Variants in DSCAM observed in about 807,000 individuals in gnomAD.
DSCAM encodes DS cell adhesion molecule, also known as cell adhesion molecule DSCAM.
DSCAM carries 47 observed loss-of-function variants against 217.7 expected under a neutral mutation model. That is an observed-to-expected ratio of 0.22 (90% CI 0.17 to 0.28). The LOEUF (loss-of-function observed/expected upper bound fraction) is 0.28, where lower values mean the gene tolerates loss of function less well. Ranked by LOEUF, DSCAM falls within the 10% of genes least tolerant of loss-of-function variation. The probability of loss-of-function intolerance (pLI) is 1.00; values close to 1 mark genes in which losing one functional copy is unlikely to be tolerated. For missense variants in DSCAM, 2,080 were observed against 2,618.3 expected, an observed-to-expected ratio of 0.79 and a Z score of 4.49; for synonymous variants, 1,056 against 1,015.3, an observed-to-expected ratio of 1.04 and a Z score of -0.76.
Position 40,347,684 on chromosome 21 carries a change from T to C in DSCAM, c.1196A>G (p.Gln399Arg). The C allele has an allele frequency of 1.2e-6, 2 of 1,613,938 alleles. No individual in the cohort carries two copies. The highest frequency in any genetic ancestry group is 1.7e-6 in the Non-Finnish European group (2 of 1,179,966). ...KDKLSAQDYVQVVLEDGTPKI... is the reference protein window; with the variant it reads ...KDKLSAQDYVRVVLEDGTPKI... ...GGCCCACTGACCTTCAAGGACCACC[T>C]GCACATAGTCTTGAGCGGACAGCTT... The change falls in exon 6 of 33, where the codon CAG becomes CGG. Residue 399 changes from glutamine (Q) to arginine (R), a missense_variant. By Grantham distance (43) the Gln-to-Arg change is conservative (BLOSUM62 1). Coordinates refer to ENST00000400454, the MANE Select transcript of DSCAM (RefSeq NM_001389.5).
intron 32 of DSCAM, among the ~76,000 whole-genome samples, chr21:40,041,766 C>CCAAA (rs1297659774): frequency 6.6e-6 from 1 of 152,106 alleles, no homozygotes; most frequent in African/African-American, 2.4e-5. Context: ...AGGCCAAGTC[C>CCAAA]CAAACACTGA....
At chr21:40,289,695 T>A (rs925643152) in intron 10 of DSCAM, among the ~76,000 whole-genome samples, 1 of 152,322 alleles carries the variant, frequency 6.6e-6, no homozygotes, top group South Asian at 2.1e-4. Context: ...TTAAACTTTA[T>A]CAGGGGTATG....
chr21:40,820,771 G>A (rs1435804444), intron 1 of DSCAM, among the ~76,000 whole-genome samples: 1 of 152,054 alleles, frequency 6.6e-6, no homozygotes, highest in Non-Finnish European at 1.5e-5. Flanking sequence ...GTGTGGCCCT[G>A]AGCCTAACTC....
chr21:40,747,731 A>G (rs1025471113), intron 1 of DSCAM, among the ~76,000 whole-genome samples: 3 of 150,244 alleles, frequency 2.0e-5, no homozygotes, highest in Admixed American at 2.0e-4. Flanking sequence ...GGCCAGCATT[A>G]CCCTGATCCA....
chr21:40,304,160 GTTT>G (rs1411732806), intron 9 of DSCAM, among the ~76,000 whole-genome samples: 1 of 152,192 alleles, frequency 6.6e-6, no homozygotes. Context: ...TTGGGGTGTT[GTTT>G]TTGTTTTCTT....
Position 40,133,998 on chromosome 21 carries a change from T to A in DSCAM, c.3418A>T (p.Ile1140Phe). ...GGCTGTGTGGTGGTGATGTTTTTAA[T>A]CTCACCCAGCTCTGGAGGACAAGAA... ...ANLMDGELGE[I>F]KNITTTQPSL... The change falls in exon 19 of 33, where the codon ATT becomes TTT. Residue 1140 changes from isoleucine to phenylalanine, a missense_variant. Ile to Phe is a conservative substitution (Grantham distance 21). This residue lies in a region of DSCAM where 1,144 missense variants were observed against 1,421.1 expected (regional missense o/e 0.81). Coordinates refer to ENST00000400454, the MANE Select transcript of DSCAM (RefSeq NM_001389.5). The A allele has an allele frequency of 6.2e-7, 1 of 1,609,266 alleles. No homozygotes were observed. Among genetic ancestry groups the A allele is most frequent in the East Asian group, 2.2e-5 (1 of 44,622 alleles).
intron 3 of DSCAM, among the ~76,000 whole-genome samples, chr21:40,572,472 C>G (rs2076815891): frequency 6.6e-6 from 1 of 151,932 alleles, no homozygotes; most frequent in Non-Finnish European, 1.5e-5. Flanking sequence ...CACTTACATA[C>G]TAATTAAAAA....
chr21:40,589,525 G>A (rs192201532), intron 3 of DSCAM, among the ~76,000 whole-genome samples: 6 of 151,482 alleles, frequency 4.0e-5, no homozygotes, highest in African/African-American at 9.7e-5. Flanking sequence ...GCAGTGAGCC[G>A]AGATCACACC....
At chr21:40,457,483 G>C (rs556675872) in intron 3 of DSCAM, among the ~76,000 whole-genome samples, 5 of 152,124 alleles carry the variant, frequency 3.3e-5, no homozygotes, top group Admixed American at 2.0e-4. Context: ...CGGCACCCCA[G>C]CCTGGGGGAC....
At chr21:40,555,383 G>C (rs1424436144) in intron 3 of DSCAM, among the ~76,000 whole-genome samples, 1 of 152,146 alleles carries the variant, frequency 6.6e-6, no homozygotes, top group Admixed American at 6.5e-5. Context: ...CTCATTACCA[G>C]AACCCAATGA....
At chr21:40,641,906 G>C (rs1285737903) in intron 3 of DSCAM, among the ~76,000 whole-genome samples, 1 of 152,026 alleles carries the variant, frequency 6.6e-6, no homozygotes, top group Non-Finnish European at 1.5e-5. Flanking sequence ...AAATTAGCTG[G>C]GCATGGTGGC....
At chr21:40,406,377 T>A (rs1188599784) in intron 3 of DSCAM, among the ~76,000 whole-genome samples, 1 of 152,178 alleles carries the variant, frequency 6.6e-6, no homozygotes, top group Non-Finnish European at 1.5e-5. Context: ...TTATTCACAA[T>A]AGCCAAGATA....
chr21:40,765,063 A>G (rs1009279820), intron 1 of DSCAM, among the ~76,000 whole-genome samples: 8 of 151,550 alleles, frequency 5.3e-5, no homozygotes, highest in Non-Finnish European at 5.9e-5. Context: ...ATGTGTACCT[A>G]TGTAACAAAC....
intron 3 of DSCAM, among the ~76,000 whole-genome samples, chr21:40,612,430 A>C (rs2089328111): frequency 6.6e-6 from 1 of 152,176 alleles, no homozygotes; most frequent in Admixed American, 6.5e-5. Context: ...TGGATGGGAC[A>C]CTTGGCAATG....
chr21:40,230,237 T>C (rs554257018), intron 11 of DSCAM, among the ~76,000 whole-genome samples: 1 of 152,368 alleles, frequency 6.6e-6, no homozygotes, highest in East Asian at 1.9e-4. Context: ...TCTGCTTTTG[T>C]TTTCTGTAAG....
intron 11 of DSCAM, among the ~76,000 whole-genome samples, chr21:40,229,024 C>G (rs924221664): frequency 6.6e-6 from 1 of 152,202 alleles, no homozygotes; most frequent in Non-Finnish European, 1.5e-5. Flanking sequence ...CTAGCCTCTT[C>G]CCTAGCTTGT....
chr21:40,751,154 C>A (rs1424433775), intron 1 of DSCAM, among the ~76,000 whole-genome samples: 1 of 152,156 alleles, frequency 6.6e-6, no homozygotes, highest in African/African-American at 2.4e-5. Flanking sequence ...CCTCTTCCAC[C>A]CCCGCTGACA....
intron 3 of DSCAM, among the ~76,000 whole-genome samples, chr21:40,486,020 T>C (rs1033505671): frequency 6.6e-6 from 1 of 152,214 alleles, no homozygotes; most frequent in African/African-American, 2.4e-5. Flanking sequence ...CAAAACTACG[T>C]ACTATAAACT....
intron 11 of DSCAM, among the ~76,000 whole-genome samples, chr21:40,217,461 A>G (rs1569005536): frequency 6.6e-6 from 1 of 152,110 alleles, no homozygotes; most frequent in South Asian, 2.1e-4. Flanking sequence ...GTTTAGTTAC[A>G]TAGGTAAACT....
Sources: allele counts gnomAD v4.1 joint callset (sites outside exome capture counted in the v4.1 genomes callset), GRCh38; gene constraint gnomAD v4.1.1; regional missense constraint gnomAD v4.1.1; transcripts MANE v1.5; gene names NCBI Gene and HGNC (gene_info 2026-07-23, HGNC 2026-07-21).